The following RANBP2 variants were observed in gnomAD, a reference collection of about 807,000 sequenced individuals.
The protein encoded by RANBP2 is RAN binding protein 2.
Under a neutral mutation model 303.6 loss-of-function variants are expected in RANBP2, and 57 were observed. The observed-to-expected ratio is 0.19, with a 90% confidence interval of 0.15 to 0.23. The LOEUF (loss-of-function observed/expected upper bound fraction) is 0.23. RANBP2 is among the 10% of genes least tolerant of loss of function. RANBP2 has a pLI of 1.00. For missense variants in RANBP2, 3,138 were observed against 3,780.8 expected (o/e 0.83, Z 4.46); for synonymous variants, 1,167 against 1,301.5 (o/e 0.90, Z 2.23).
the RANBP2 span, among the ~76,000 whole-genome samples, chr2:109,036,056 A>G: frequency 1.1e-4 from 16 of 152,368 alleles, no homozygotes; most frequent in African/African-American, 3.4e-4. Flanking sequence ...CCCTTCAGGA[A>G]TGAAGGAGAA....
the RANBP2 span, among the ~76,000 whole-genome samples, chr2:109,204,537 C>T: frequency 6.6e-6 from 1 of 152,142 alleles, no homozygotes; most frequent in Non-Finnish European, 1.5e-5. Flanking sequence ...TATTTGTGTG[C>T]AATGTACAAT....
the RANBP2 span, among the ~76,000 whole-genome samples, chr2:109,306,213 C>A: frequency 2.0e-5 from 3 of 152,214 alleles, no homozygotes; most frequent in African/African-American, 7.2e-5. Context: ...AGAAGAGATG[C>A]AGTCTGCCAG....
At chr2:108,924,241 T>G in the RANBP2 span, among the ~76,000 whole-genome samples, 2 of 152,254 alleles carry the variant, frequency 1.3e-5, no homozygotes, top group Non-Finnish European at 1.5e-5. Context: ...GCTATATGAC[T>G]GCTCAGGTCC....
At chr2:108,800,638 T>TTTTTTTTTTTA in the RANBP2 span, among the ~76,000 whole-genome samples, 15 of 73,772 alleles carry the variant, frequency 2.0e-4, no homozygotes, top group African/African-American at 3.5e-4. Context: ...TTTTTTTTTT[T>TTTTTTTTTTTA]AATTATACTT....
the RANBP2 span, among the ~76,000 whole-genome samples, chr2:109,416,878 C>T: frequency 1.3e-5 from 2 of 148,696 alleles, no homozygotes; most frequent in South Asian, 4.3e-4. Context: ...GCATTCCAGC[C>T]TGGGCGACAG....
At chr2:108,825,558 G>A in the RANBP2 span, among the ~76,000 whole-genome samples, 127,492 of 152,182 alleles carry the variant, frequency 0.84, 53,467 homozygotes, top group East Asian at 0.95. Flanking sequence ...AAACAGATTC[G>A]TACAATACGT....
At chr2:109,537,370 C>G in the RANBP2 span, among the ~76,000 whole-genome samples, 1 of 152,260 alleles carries the variant, frequency 6.6e-6, no homozygotes, top group Admixed American at 6.5e-5. Flanking sequence ...ATTAAAACCA[C>G]CTAGCATTTC....
chr2:109,165,712 G>T, the RANBP2 span, among the ~76,000 whole-genome samples: 4 of 152,164 alleles, frequency 2.6e-5, no homozygotes, highest in Non-Finnish European at 5.9e-5. Context: ...ATGGACGAGT[G>T]GGGAGGCTTT....
chr2:108,798,497 G>A, the RANBP2 span: 1 of 1,613,960 alleles, frequency 6.2e-7, no homozygotes, highest in Non-Finnish European at 8.5e-7. Flanking sequence ...ACTTGAAAGA[G>A]AACAACTGCT....
At chr2:109,163,253 G>A in the RANBP2 span, among the ~76,000 whole-genome samples, 1 of 152,172 alleles carries the variant, frequency 6.6e-6, no homozygotes. Context: ...TGTGTTGACT[G>A]TAGGGCTCTG....
chr2:108,736,525 A>G (rs1013546283), intron 6 of RANBP2, among the ~76,000 whole-genome samples: 2 of 152,190 alleles, frequency 1.3e-5, no homozygotes, highest in Non-Finnish European at 2.9e-5. Context: ...GTCATAGTCA[A>G]GCCTAAAATG....
the RANBP2 span, among the ~76,000 whole-genome samples, chr2:109,291,989 G>A: frequency 1.4e-4 from 21 of 152,100 alleles, no homozygotes; most frequent in African/African-American, 3.9e-4. Flanking sequence ...TCAGCCTCTC[G>A]AGTAGCTGGG....
At chr2:109,014,835 T>C in the RANBP2 span, among the ~76,000 whole-genome samples, 1 of 152,080 alleles carries the variant, frequency 6.6e-6, no homozygotes, top group Non-Finnish European at 1.5e-5. Flanking sequence ...ATAAAGATAG[T>C]AATAGGCTGG....
the RANBP2 span, among the ~76,000 whole-genome samples, chr2:109,274,445 T>C: frequency 4.6e-5 from 7 of 152,376 alleles, no homozygotes; most frequent in African/African-American, 1.7e-4. Context: ...TGGACTTTTA[T>C]TCAGCCATCA....
At chr2:108,759,422 A>G (rs1028993720) in intron 18 of RANBP2, among the ~76,000 whole-genome samples, 1 of 152,204 alleles carries the variant, frequency 6.6e-6, no homozygotes, top group African/African-American at 2.4e-5. Flanking sequence ...GCTCCCAGGC[A>G]GCGAGAAATA....
the RANBP2 span, among the ~76,000 whole-genome samples, chr2:108,915,309 G>A: frequency 2.6e-4 from 40 of 152,328 alleles, no homozygotes; most frequent in South Asian, 6.2e-4. Context: ...CTATCCACTC[G>A]TGTCTGCTCT....
chr2:109,680,436 T>C, the RANBP2 span, among the ~76,000 whole-genome samples: 1 of 151,628 alleles, frequency 6.6e-6, no homozygotes, highest in Admixed American at 6.6e-5. Flanking sequence ...AAGAATTGTG[T>C]GTGCTTAATG....
the RANBP2 span, among the ~76,000 whole-genome samples, chr2:109,650,224 C>T: frequency 6.6e-6 from 1 of 152,206 alleles, no homozygotes; most frequent in African/African-American, 2.4e-5. Context: ...GAGAATGGAG[C>T]CTATGCCACA....
At chr2:108,878,010 A>G in the RANBP2 span, among the ~76,000 whole-genome samples, 12 of 152,222 alleles carry the variant, frequency 7.9e-5, no homozygotes, top group African/African-American at 2.9e-4. Flanking sequence ...AGTGAAGACA[A>G]TGGAATGACA....
Sources: gnomAD v4.1 joint callset for allele counts (sites outside exome capture counted in the v4.1 genomes callset) on GRCh38, gnomAD v4.1.1 for gene constraint, MANE v1.5 for transcripts, NCBI Gene and HGNC (gene_info 2026-07-23, HGNC 2026-07-21) for gene names.